ESRRB: variants seen among roughly 807,000 people sequenced by gnomAD.
ESRRB encodes steroid hormone receptor ERR2.
Under a neutral mutation model 46.0 loss-of-function variants are expected in ESRRB, and 16 were observed. That is an observed-to-expected ratio of 0.35 (90% CI 0.24 to 0.53). The LOEUF (loss-of-function observed/expected upper bound fraction) is 0.53, where lower values mean the gene tolerates loss of function less well. Among genes scored for constraint, ESRRB ranks in the 20% least tolerant of loss-of-function variants. The probability of loss-of-function intolerance (pLI) is 0.93; values close to 1 mark genes in which losing one functional copy is unlikely to be tolerated. For missense variants in ESRRB, 488 were observed against 607.4 expected, an observed-to-expected ratio of 0.80 and a Z score of 2.07; for synonymous variants, 246 against 259.6, an observed-to-expected ratio of 0.95 and a Z score of 0.50.
intron 3 of ESRRB, among the ~76,000 whole-genome samples, chr14:76,467,500 CAAAAAA>C (rs397709875): frequency 5.5e-5 from 5 of 91,740 alleles, no homozygotes; most frequent in South Asian, 4.3e-4. Context: ...GCCTCTGTCT[CAAAAAA>C]AAAAAAAAAA....
chr14:76,500,671 G>A lies in ESRRB; in HGVS notation c.*2213G>A, dbSNP rs1890628490. The A allele has an allele frequency of 2.5e-6, 4 of 1,613,614 alleles. No homozygotes were observed. Among genetic ancestry groups the A allele is most frequent in the Non-Finnish European group, 2.5e-6 (3 of 1,179,740 alleles). On this transcript the variant is annotated 3_prime_UTR_variant, in exon 7 of 7. Transcript: ENST00000644823. Reference sequence around the variant, plus strand: ...GGCGGCAGGGCATCATGCCCAGCTGGCATCTGCTGTCTGTCTTTTCTAGGG... The same window carrying A: ...GGCGGCAGGGCATCATGCCCAGCTGACATCTGCTGTCTGTCTTTTCTAGGG...
At chr14:76,409,208 G>T (rs1381970052) in intron 1 of ESRRB, among the ~76,000 whole-genome samples, 1 of 152,218 alleles carries the variant, frequency 6.6e-6, no homozygotes, top group Non-Finnish European at 1.5e-5. Context: ...TGCTAACAAT[G>T]GTTACCTTTG....
At chr14:76,413,334 C>G (rs1886520677) in intron 1 of ESRRB, among the ~76,000 whole-genome samples, 1 of 152,220 alleles carries the variant, frequency 6.6e-6, no homozygotes, top group South Asian at 2.1e-4. Flanking sequence ...GTGCCCCGGC[C>G]CCGGCCACAC....
chr14:76,330,625 C>T (rs1884002296), intron 1 of ESRRB, among the ~76,000 whole-genome samples: 1 of 152,132 alleles, frequency 6.6e-6, no homozygotes, highest in South Asian at 2.1e-4. Flanking sequence ...AAGGGAGGAT[C>T]GAGGATCGTG....
intron 3 of ESRRB, among the ~76,000 whole-genome samples, chr14:76,464,607 G>T (rs1889028494): frequency 6.6e-6 from 1 of 152,142 alleles, no homozygotes; most frequent in African/African-American, 2.4e-5. Flanking sequence ...TCTTAGACAG[G>T]CCAGCTGCTT....
intron 2 of ESRRB, among the ~76,000 whole-genome samples, chr14:76,445,171 TA>T (rs369315496): frequency 0.11 from 13,249 of 119,770 alleles, 997 homozygotes; most frequent in African/African-American, 0.23. Flanking sequence ...GGAGTTTCTT[TA>T]AAAAAAAAAA....
chr14:76,375,004 C>G (rs1266157757), upstream of ESRRB, among the ~76,000 whole-genome samples: 1 of 152,142 alleles, frequency 6.6e-6, no homozygotes. Flanking sequence ...AGTGCTTGAA[C>G]ATTGCCTGCA....
intron 1 of ESRRB, among the ~76,000 whole-genome samples, chr14:76,344,847 C>CAA (rs563442204): frequency 0.021 from 2,425 of 114,916 alleles, 66 homozygotes; most frequent in African/African-American, 0.072. Flanking sequence ...GACTCCATCT[C>CAA]AAAAAAAAAA....
intron 2 of ESRRB, among the ~76,000 whole-genome samples, chr14:76,443,112 G>C (rs189281331): frequency 1.2e-3 from 178 of 151,814 alleles, no homozygotes; most frequent in Non-Finnish European, 1.9e-3. Flanking sequence ...CACCGCGCCC[G>C]GTCATAAAGT....
chr14:76,312,861 G>GA (rs1270134389), intron 1 of ESRRB, among the ~76,000 whole-genome samples: 1 of 152,032 alleles, frequency 6.6e-6, no homozygotes, highest in Non-Finnish European at 1.5e-5. Context: ...TGGCTTTTGA[G>GA]AAAAAATGTG....
intron 1 of ESRRB, among the ~76,000 whole-genome samples, chr14:76,381,888 C>G (rs1359487303): frequency 6.6e-6 from 1 of 152,170 alleles, no homozygotes; most frequent in African/African-American, 2.4e-5. Context: ...AAACACCAGA[C>G]AAGTGGGGAA....
At chr14:76,429,822 T>C (rs1887361998) in intron 1 of ESRRB, among the ~76,000 whole-genome samples, 1 of 152,128 alleles carries the variant, frequency 6.6e-6, no homozygotes, top group Non-Finnish European at 1.5e-5. Context: ...TCAATTTGAA[T>C]TGATGAAAAA....
In ESRRB at chr14:76,482,096, T is replaced by G; in HGVS notation, c.658T>G (p.Leu220Val). ...LDSESSPYLS[L>V]QISPPAKKPL... ...CTCAGAGAGCAGCCCATACCTGAGC[T>G]TACAAATTTCTCCACCTGCTAAAAA... is the stretch of plus-strand genomic sequence containing the variant. Residue 220 changes from leucine (L) to valine (V), a missense_variant, in exon 4 of 7, where the codon TTA becomes GTA. Physicochemically the swap from Leu to Val is conservative, Grantham distance 32. Coordinates refer to ENST00000644823, the MANE Select transcript of ESRRB (RefSeq NM_001379180.1). The surrounding 1 kb of genome is among the most constrained non-coding windows in gnomAD (Gnocchi z 4.3). 6.2e-7 allele frequency: 1 copy of G among 1,614,188 alleles called. No homozygotes were observed. The highest frequency in any genetic ancestry group is 1.1e-5 in the South Asian group (1 of 91,082).
intron 1 of ESRRB, among the ~76,000 whole-genome samples, chr14:76,332,719 TTA>T (rs1491282969): frequency 1.1e-4 from 3 of 27,622 alleles, no homozygotes; most frequent in South Asian, 1.3e-3. Context: ...TATTTATATA[TTA>T]TATATATTTA....
intron 2 of ESRRB, among the ~76,000 whole-genome samples, chr14:76,455,153 G>A (rs949810587): frequency 2.6e-5 from 4 of 152,166 alleles, no homozygotes; most frequent in Non-Finnish European, 1.5e-5. Flanking sequence ...GGAGGCGGAG[G>A]CTGCAGTGAG....
intron 1 of ESRRB, among the ~76,000 whole-genome samples, chr14:76,431,514 G>A (rs1047491596): frequency 2.0e-5 from 3 of 152,154 alleles, no homozygotes; most frequent in African/African-American, 4.8e-5. Flanking sequence ...CAGCAAGCTC[G>A]GTGTCCCCTG....
chr14:76,322,785 A>G (rs1375923135), intron 1 of ESRRB, among the ~76,000 whole-genome samples: 1 of 152,186 alleles, frequency 6.6e-6, no homozygotes, highest in East Asian at 1.9e-4. Flanking sequence ...CGCCTTGGGC[A>G]GCTGGCCTCC....
At chr14:76,483,124 G>A (rs950004388) in intron 5 of ESRRB, among the ~76,000 whole-genome samples, 1 of 152,226 alleles carries the variant, frequency 6.6e-6, no homozygotes, top group Non-Finnish European at 1.5e-5. Flanking sequence ...GAAAACAACA[G>A]AAGAAAGACT....
chr14:76,439,801 G>A (rs768452968), intron 2 of ESRRB, 51 bp downstream of exon 2: 2 of 1,587,326 alleles, frequency 1.3e-6, no homozygotes, highest in South Asian at 1.1e-5. Flanking sequence ...GGTGGCAGCC[G>A]TGCCTGCGGG....
Sources: allele counts gnomAD v4.1 joint callset (sites outside exome capture counted in the v4.1 genomes callset), GRCh38; gene constraint gnomAD v4.1.1; non-coding constraint Gnocchi (gnomAD v3.1); transcripts MANE v1.5; gene names NCBI Gene and HGNC (gene_info 2026-07-23, HGNC 2026-07-21).